The following TMPRSS11D variants were observed in gnomAD, a reference collection of about 807,000 sequenced individuals.
The protein encoded by TMPRSS11D is transmembrane serine protease 11D, also known as transmembrane protease serine 11D.
TMPRSS11D carries 32 observed loss-of-function variants against 44.4 expected under a neutral mutation model. The observed-to-expected ratio is 0.72, with a 90% CI of 0.54 to 0.97. TMPRSS11D has a LOEUF of 0.97. TMPRSS11D is among the 50% of genes least tolerant of loss of function. The pLI, the probability that TMPRSS11D is intolerant of heterozygous loss-of-function variation, is 0.00. For missense variants in TMPRSS11D, 446 were observed against 502.6 expected (o/e 0.89, Z 1.08); for synonymous variants, 179 against 177.9 (o/e 1.01, Z -0.05).
chr4:67,865,969 G>C (rs1246839923), intron 1 of TMPRSS11D, among the ~76,000 whole-genome samples: 1 of 151,964 alleles, frequency 6.6e-6, no homozygotes, highest in Non-Finnish European at 1.5e-5. Flanking sequence ...TATTGAGGAG[G>C]AGGGAATCTT....
At chr4:67,872,899 T>G (rs771727554) in intron 1 of TMPRSS11D, among the ~76,000 whole-genome samples, 9 of 152,218 alleles carry the variant, frequency 5.9e-5, no homozygotes, top group Non-Finnish European at 1.2e-4. Flanking sequence ...CTTATACAAT[T>G]TAAACTGCTT....
At chr4:67,848,829 G>A (rs568155362) in intron 3 of TMPRSS11D, among the ~76,000 whole-genome samples, 34 of 152,290 alleles carry the variant, frequency 2.2e-4, no homozygotes, top group Non-Finnish European at 3.5e-4. Flanking sequence ...CAATCATGCC[G>A]GTCTTCGAAC....
chr4:67,873,382 A>G (rs1293438571), intron 1 of TMPRSS11D, among the ~76,000 whole-genome samples: 3 of 152,168 alleles, frequency 2.0e-5, no homozygotes, highest in Admixed American at 1.3e-4. Context: ...ATGTTTATTC[A>G]TATTTAAATA....
At chr4:67,868,290 A>T (rs1718973359) in intron 1 of TMPRSS11D, among the ~76,000 whole-genome samples, 1 of 152,156 alleles carries the variant, frequency 6.6e-6, no homozygotes, top group Non-Finnish European at 1.5e-5. Flanking sequence ...AATAATGGAG[A>T]CATGAAAGAG....
chr4:67,828,310 A>C (rs1224457453), intron 7 of TMPRSS11D, among the ~76,000 whole-genome samples: 2 of 152,094 alleles, frequency 1.3e-5, no homozygotes, highest in Non-Finnish European at 2.9e-5. Flanking sequence ...AACTGGAAGA[A>C]TGGTGAAATT....
chr4:67,883,782 A>T, intron 1 of TMPRSS11D, 144 bp downstream of exon 1: 1 of 570,900 alleles, frequency 1.8e-6, no homozygotes, highest in Non-Finnish European at 3.0e-6. Context: ...TCTAAACAAT[A>T]TCTAAGAGTT....
intron 6 of TMPRSS11D, among the ~76,000 whole-genome samples, chr4:67,834,345 A>C (rs1397932550): frequency 6.6e-6 from 1 of 152,168 alleles, no homozygotes; most frequent in Admixed American, 6.6e-5. Flanking sequence ...GGCATCTCCC[A>C]AACAAATACC....
intron 1 of TMPRSS11D, among the ~76,000 whole-genome samples, chr4:67,877,249 C>T (rs936038310): frequency 1.3e-5 from 2 of 152,146 alleles, no homozygotes; most frequent in African/African-American, 4.8e-5. Context: ...GTTCTCCTTT[C>T]TCTAGTTGAT....
At chr4:67,858,236 G>A (rs937267962) in intron 2 of TMPRSS11D, among the ~76,000 whole-genome samples, 3 of 152,168 alleles carry the variant, frequency 2.0e-5, no homozygotes, top group Non-Finnish European at 4.4e-5. Context: ...AGATCCTGGG[G>A]GAAGGGTGGT....
At chr4:67,876,320 T>C (rs1719189840) in intron 1 of TMPRSS11D, among the ~76,000 whole-genome samples, 1 of 152,202 alleles carries the variant, frequency 6.6e-6, no homozygotes, top group African/African-American at 2.4e-5. Flanking sequence ...TATAAAGTAC[T>C]TAGATTCTGT....
intron 4 of TMPRSS11D, among the ~76,000 whole-genome samples, chr4:67,841,720 C>A (rs890024843): frequency 6.6e-6 from 1 of 152,070 alleles, no homozygotes; most frequent in Admixed American, 6.6e-5. Flanking sequence ...CTGAATTGAC[C>A]GAAAGGTGTT....
At chr4:67,859,271 GT>G (rs909096359) in intron 2 of TMPRSS11D, among the ~76,000 whole-genome samples, 8 of 151,078 alleles carry the variant, frequency 5.3e-5, no homozygotes, top group South Asian at 4.2e-4. Flanking sequence ...ATTATTGAGA[GT>G]TTTTTTTTCC....
At chr4:67,827,081 ATTGCT>A (rs533829577) in intron 8 of TMPRSS11D, among the ~76,000 whole-genome samples, 175 bp downstream of exon 8, 4 of 152,088 alleles carry the variant, frequency 2.6e-5, no homozygotes, top group Non-Finnish European at 4.4e-5. Context: ...TTTCTGGAGC[ATTGCT>A]TTGCTTTGCT....
chr4:67,847,267 G>C (rs1718382407), intron 3 of TMPRSS11D, among the ~76,000 whole-genome samples: 1 of 152,088 alleles, frequency 6.6e-6, no homozygotes, highest in African/African-American at 2.4e-5. Context: ...TATGTGTCTA[G>C]TATGTATTAA....
At chr4:67,826,579 C>G (rs768323213) in intron 8 of TMPRSS11D, among the ~76,000 whole-genome samples, 2 of 151,924 alleles carry the variant, frequency 1.3e-5, no homozygotes, top group Non-Finnish European at 2.9e-5. Flanking sequence ...ATATACACAT[C>G]GAGTTTTTGC....
rs756797467 is a variant in TMPRSS11D, at chr4:67,859,671, G to A, written c.16C>T (p.Arg6Cys). The change falls in exon 2 of 10, where the codon CGT (arginine) becomes TGT (cysteine). Residue 6 changes from arginine (R) to cysteine (C), a missense_variant. Arg to Cys is a radical substitution (Grantham distance 180). Transcript: ENST00000283916. The part of the protein sequence containing the change: MYRPA[R>C]VTSTSRFLNP... ...AGAAATCTTGAAGTCGAAGTTACAC[G>A]TGCTGGCCTTACAAGAGAGAGAGAT... 2.5e-6 allele frequency: 4 copies of A among 1,612,680 alleles called. No individual in the cohort carries two copies. Among genetic ancestry groups the A allele is most frequent in the Non-Finnish European group, 3.4e-6 (4 of 1,179,056 alleles).
At chr4:67,855,704 G>A (rs1718620213) in intron 2 of TMPRSS11D, among the ~76,000 whole-genome samples, 1 of 151,980 alleles carries the variant, frequency 6.6e-6, no homozygotes, top group South Asian at 2.1e-4. Context: ...GAGCAATCAG[G>A]TTAGAGAAAT....
intron 1 of TMPRSS11D, among the ~76,000 whole-genome samples, chr4:67,875,105 A>T (rs964881067): frequency 6.6e-6 from 1 of 152,152 alleles, no homozygotes; most frequent in African/African-American, 2.4e-5. Flanking sequence ...CAAGCTTCTC[A>T]GTTTTATTTT....
At chr4:67,828,761 C>T (rs1717868073) in intron 7 of TMPRSS11D, among the ~76,000 whole-genome samples, 1 of 152,010 alleles carries the variant, frequency 6.6e-6, no homozygotes, top group African/African-American at 2.4e-5. Flanking sequence ...AGACAAAGCA[C>T]CATCAAAGCA....
Sources: allele counts gnomAD v4.1 joint callset (sites outside exome capture counted in the v4.1 genomes callset), GRCh38; gene constraint gnomAD v4.1.1; transcripts MANE v1.5; gene names NCBI Gene and HGNC (gene_info 2026-07-23, HGNC 2026-07-21).